Variants in ZFP64 observed in about 807,000 individuals in gnomAD.
The protein encoded by ZFP64 is zinc finger protein 64.
Under a neutral mutation model 51.6 loss-of-function variants are expected in ZFP64, and 14 were observed. That is an observed-to-expected ratio of 0.27 (90% CI 0.18 to 0.42). ZFP64 has a LOEUF of 0.42. ZFP64 is among the 10% of genes least tolerant of loss of function. ZFP64 has a pLI of 1.00. For synonymous variants in ZFP64, 375 were observed against 361.4 expected (o/e 1.04, Z -0.43); for missense variants, 754 against 906.8 (o/e 0.83, Z 2.16).
At chr20:52,144,578 C>CAAAAA (rs1156545584) in intron 5 of ZFP64, among the ~76,000 whole-genome samples, 6,012 of 23,202 alleles carry the variant, frequency 0.26, 1,804 homozygotes, top group Admixed American at 0.31. Context: ...GACTCCGTCT[C>CAAAAA]AAAAAAAAAA....
At position 52,129,072 on chromosome 20, in the gene ZFP64, C is replaced by T. The variant is rs573687837; in HGVS notation, c.764-30485G>A. 2.1e-5 allele frequency among the ~76,000 whole-genome samples: 3 copies of T among 142,124 alleles called. No individual in the cohort carries two copies. The East Asian group carries it at 5.9e-4, about 28-fold the overall frequency. The allele number at this position is 142,124 out of a possible 152,430, so 93.2% of individuals were successfully genotyped here. ...GGGATTACAGGCGCGCACCACCACT[C>T]CTGGCTAATTTTTTTTTTTTTTTTC... is the stretch of plus-strand genomic sequence containing the variant. On this transcript the variant is annotated intron_variant, in intron 5 of 8. Transcript: ENST00000361387.
At chr20:52,106,448 G>A (rs1288039667) in intron 5 of ZFP64, among the ~76,000 whole-genome samples, 1 of 152,154 alleles carries the variant, frequency 6.6e-6, no homozygotes, top group African/African-American at 2.4e-5. Context: ...TTTTGGGGCG[G>A]GGCCTGAGAA....
rs779624895 is a variant in ZFP64, at chr20:52,160,414, G to GA, written c.512-41dup. The GA allele has an allele frequency of 1.3e-5, 21 of 1,556,294 alleles. 1 individual carries two copies. The South Asian group carries it at 2.5e-4, about 19-fold the overall frequency. ...ACACACAGATGGCAGCAGGAAACAA[G>GA]ATTAAAAAAGGAAAAGGCTTATTTC... On this transcript the variant is annotated intron_variant, in intron 4 of 5. Transcript: ENST00000216923. The surrounding 1 kb of genome is among the most constrained non-coding windows in gnomAD (Gnocchi z 4.2).
At chr20:52,114,805 T>C (rs1978774278) in intron 5 of ZFP64, among the ~76,000 whole-genome samples, 1 of 152,186 alleles carries the variant, frequency 6.6e-6, no homozygotes, top group Non-Finnish European at 1.5e-5. Context: ...AGAATGTTTG[T>C]TGCAAGTCAT....
At chr20:52,136,680 A>T (rs566569376) in intron 5 of ZFP64, among the ~76,000 whole-genome samples, 312 of 152,324 alleles carry the variant, frequency 2.0e-3, no homozygotes, top group Non-Finnish European at 3.9e-3. Context: ...ACCTCATTAA[A>T]ATAGAAAAAC....
intron 2 of ZFP64, 152 bp downstream of exon 2, chr20:52,186,680 G>A: frequency 9.4e-7 from 1 of 1,066,930 alleles, no homozygotes; most frequent in South Asian, 2.2e-5. Flanking sequence ...ACCTGGCTGG[G>A]CAGCTGGCTT....
intron 6 of ZFP64, chr20:52,097,448 A>G (rs1183860080): frequency 1.9e-6 from 3 of 1,589,694 alleles, no homozygotes; most frequent in Non-Finnish European, 2.6e-6. Context: ...AGAAAAGAAA[A>G]ATAGATTTTT....
chr20:52,191,534 G>A lies in ZFP64; in HGVS notation c.46+57C>T, dbSNP rs1984371411. 1.3e-6 allele frequency: 2 copies of A among 1,495,836 alleles called. No homozygotes were observed. The highest frequency in any genetic ancestry group is 1.3e-5 in the South Asian group (1 of 78,948). 92.7% of individuals were successfully genotyped at this position (1,495,836 alleles called of 1,614,324 possible). ...TGCGTCGCAGACGTGCTTGGGCCCG[G>A]GCCCCGGAGCGCGCACTGGGCCCCG... On this transcript the variant is annotated intron_variant, in intron 1 of 5. Transcript: ENST00000216923. The surrounding 1 kb of genome is among the most constrained non-coding windows in gnomAD (Gnocchi z 4.3).
intron 5 of ZFP64, among the ~76,000 whole-genome samples, chr20:52,125,991 C>A (rs1372905330): frequency 6.6e-6 from 1 of 151,910 alleles, no homozygotes; most frequent in Non-Finnish European, 1.5e-5. Flanking sequence ...AAGTGATTCT[C>A]CTGTGTTCAA....
At position 52,191,739 on chromosome 20, in the gene ZFP64, C is replaced by T. The variant is rs891796108; in HGVS notation, c.-103G>A. The T allele has an allele frequency of 1.5e-6, 2 of 1,347,020 alleles. No individual in the cohort carries two copies. Among genetic ancestry groups the T allele is most frequent in the Admixed American group, 2.5e-5 (1 of 39,776 alleles). The allele number at this position is 1,347,020 out of a possible 1,614,324, so 83.4% of individuals were successfully genotyped here. ...CCTTTTATTTTTCCACACCCCCCAC[C>T]CTGCCTTCTCCCAACTCTGCGAGGC... On this transcript the variant is annotated 5_prime_UTR_variant, in exon 1 of 6. Coordinates refer to ENST00000216923, the MANE Select transcript of ZFP64 (RefSeq NM_018197.3). This position sits in a 1 kb window ranked among gnomAD's most constrained non-coding sequence, Gnocchi z 4.3.
exon 8 of ZFP64, chr20:52,088,438 G>C (rs1358530959): frequency 6.2e-7 from 1 of 1,614,178 alleles, no homozygotes. Flanking sequence ...AGTTGCGGCT[G>C]GCATAGGGGC....
chr20:52,087,107 T>C (rs780330489), intron 8 of ZFP64, among the ~76,000 whole-genome samples: 4 of 152,180 alleles, frequency 2.6e-5, no homozygotes, highest in Non-Finnish European at 5.9e-5. Flanking sequence ...CACTGTTCCA[T>C]TGTCTCCTAG....
At chr20:52,183,368 T>C (rs1568706418) in intron 2 of ZFP64, among the ~76,000 whole-genome samples, 1 of 152,190 alleles carries the variant, frequency 6.6e-6, no homozygotes, top group Non-Finnish European at 1.5e-5. Flanking sequence ...GCATCCATTT[T>C]TATATGGCTC....
chr20:52,104,250 T>TG (rs764099229), intron 5 of ZFP64, among the ~76,000 whole-genome samples: 13 of 152,244 alleles, frequency 8.5e-5, no homozygotes, highest in East Asian at 5.8e-4. Context: ...AGGCGGGGGA[T>TG]GGGGGGATCC....
At chr20:52,104,428 C>T (rs2079087602) in intron 5 of ZFP64, among the ~76,000 whole-genome samples, 1 of 152,176 alleles carries the variant, frequency 6.6e-6, no homozygotes, top group Admixed American at 6.5e-5. Context: ...GTGTGGGGGC[C>T]GCCTGTTAAG....
chr20:52,165,468 G>A, intron 3 of ZFP64: 1 of 463,170 alleles, frequency 2.2e-6, no homozygotes, highest in Non-Finnish European at 4.3e-6. Flanking sequence ...TCTAGATGAA[G>A]GGCATACAGG....
rs34646115 is a variant in ZFP64 at position 52,102,107 on chromosome 20, C to CAAAAAAAAAAAAAAAAAAAAAAAAAAAA, written c.764-3521_764-3520insTTTTTTTTTTTTTTTTTTTTTTTTTTTT. ...AGCCTGGTGAGAGTAACTCCATCTC[C>CAAAAAAAAAAAAAAAAAAAAAAAAAAAA]AAAAAAAAAAAAAAAAAAGGCAGCA... On this transcript the variant is annotated intron_variant, in intron 5 of 8. Transcript: ENST00000361387. Among the ~76,000 whole-genome samples, 67 of 63,384 alleles carry CAAAAAAAAAAAAAAAAAAAAAAAAAAAA rather than the reference C, an allele frequency of 1.1e-3. 3 individuals carry two copies. The highest frequency in any genetic ancestry group is 1.7e-3 in the Admixed American group (9 of 5,380). The allele number at this position is 63,384 out of a possible 152,430, so 41.6% of individuals were successfully genotyped here.
chr20:52,183,321 G>T (rs1158943251), intron 2 of ZFP64, among the ~76,000 whole-genome samples: 2 of 152,190 alleles, frequency 1.3e-5, no homozygotes, highest in African/African-American at 4.8e-5. Flanking sequence ...ATGGCCCCAA[G>T]TAAAAAGTGT....
chr20:52,084,920 A>G (rs1192353562), exon 9 of ZFP64: 1 of 1,613,708 alleles, frequency 6.2e-7, no homozygotes, highest in Non-Finnish European at 8.5e-7. Flanking sequence ...TGCAGAAGTC[A>G]CACTTGAAGG....
Sources: gnomAD v4.1 joint callset for allele counts (sites outside exome capture counted in the v4.1 genomes callset) on GRCh38, gnomAD v4.1.1 for gene constraint, Gnocchi (gnomAD v3.1) non-coding constraint, MANE v1.5 for transcripts, NCBI Gene and HGNC (gene_info 2026-07-23, HGNC 2026-07-21) for gene names.